Variants in KIF21A observed in about 807,000 individuals in gnomAD.
KIF21A encodes the protein kinesin family member 21A, also known as kinesin-like protein KIF21A.
A neutral mutation model predicts 202.9 loss-of-function variants in KIF21A; 114 were observed. That is an observed-to-expected ratio of 0.56 (90% CI 0.48 to 0.66). KIF21A has a LOEUF of 0.66. Ranked by LOEUF, KIF21A falls within the 30% of genes least tolerant of loss-of-function variation. The pLI is 0.00. For synonymous variants in KIF21A, 667 were observed against 670.8 expected, an observed-to-expected ratio of 0.99 and a Z score of 0.09; for missense variants, 1,677 against 1,994.9, an observed-to-expected ratio of 0.84 and a Z score of 3.04.
chr12:39,313,756 T>C (rs1021524151), intron 31 of KIF21A, among the ~76,000 whole-genome samples: 1 of 151,932 alleles, frequency 6.6e-6, no homozygotes, highest in African/African-American at 2.4e-5. Context: ...ATTTGTTTAA[T>C]AGAAATAAAT....
chr12:39,338,603 C>T lies in KIF21A; in HGVS notation c.2311-1400G>A, dbSNP rs185385693. ...CCTGCAAACTCCCTTCATGGTAAGT[C>T]GCATACCTTACAGGCATACCTTGGA... On this transcript the variant is annotated intron_variant, in intron 16 of 37. Coordinates refer to ENST00000361418, the MANE Select transcript of KIF21A (RefSeq NM_001173464.2). Among the ~76,000 whole-genome samples, 172 of 152,268 alleles carry T rather than the reference C, an allele frequency of 1.1e-3. 1 individual carries two copies. Among genetic ancestry groups the T allele is most frequent in the Non-Finnish European group, 2.1e-3 (143 of 68,022 alleles).
chr12:39,428,394 A>C (rs1292980821), intron 1 of KIF21A, among the ~76,000 whole-genome samples: 3 of 152,206 alleles, frequency 2.0e-5, no homozygotes, highest in African/African-American at 4.8e-5. Flanking sequence ...CTTATCTCTC[A>C]GAAACTTGTT....
intron 11 of KIF21A, 144 bp from the exon 12 acceptor site, chr12:39,346,648 C>T (rs984986076): frequency 4.3e-6 from 2 of 465,458 alleles, no homozygotes; most frequent in Non-Finnish European, 7.2e-6. Flanking sequence ...CATCAAAGGA[C>T]AATACACAGT....
At chr12:39,359,994 C>A (rs754072769) in intron 7 of KIF21A, among the ~76,000 whole-genome samples, 1 of 151,958 alleles carries the variant, frequency 6.6e-6, no homozygotes, top group Non-Finnish European at 1.5e-5. Flanking sequence ...TATTAACTCA[C>A]CACAAATTGG....
intron 11 of KIF21A, among the ~76,000 whole-genome samples, chr12:39,349,866 T>C (rs1948223085): frequency 6.6e-6 from 1 of 152,048 alleles, no homozygotes; most frequent in Non-Finnish European, 1.5e-5. Context: ...TTATATGGTA[T>C]AGTACACAAG....
chr12:39,414,817 T>C (rs1953403542), intron 1 of KIF21A, among the ~76,000 whole-genome samples: 1 of 152,176 alleles, frequency 6.6e-6, no homozygotes, highest in Non-Finnish European at 1.5e-5. Flanking sequence ...CACGAATTAG[T>C]CACTGTTCTG....
At position 39,408,991 on chromosome 12, in the gene KIF21A, T is replaced by G. The variant is rs1399559494; in HGVS notation, c.44+33936A>C. Reference sequence around the variant, plus strand: ...CGTGCCACCACGCCCAGCTAATCTTTTTTATTTTTTATTTTTTTGTTGTTG... The same window carrying G: ...CGTGCCACCACGCCCAGCTAATCTTGTTTATTTTTTATTTTTTTGTTGTTG... On this transcript the variant is annotated intron_variant, in intron 1 of 37. Coordinates refer to ENST00000361418, the MANE Select transcript of KIF21A (RefSeq NM_001173464.2). Among the ~76,000 whole-genome samples, 2 of 151,852 alleles carry G rather than the reference T, an allele frequency of 1.3e-5. 1 individual carries two copies. Among genetic ancestry groups the G allele is most frequent in the Non-Finnish European group, 2.9e-5 (2 of 67,972 alleles).
chr12:39,355,434 T>C (rs778274115), intron 10 of KIF21A, among the ~76,000 whole-genome samples: 18 of 151,754 alleles, frequency 1.2e-4, no homozygotes, highest in Non-Finnish European at 2.6e-4. Flanking sequence ...AATTGGCAAG[T>C]GCCAAAGAAA....
At chr12:39,437,449 G>C (rs998418308) in intron 1 of KIF21A, among the ~76,000 whole-genome samples, 8 of 152,116 alleles carry the variant, frequency 5.3e-5, no homozygotes, top group Non-Finnish European at 5.9e-5. Flanking sequence ...TGGCTTTTCA[G>C]TCTACTCTCT....
rs762274417 is a variant in KIF21A at position 39,369,814 on chromosome 12, A to T, written c.365T>A (p.Phe122Tyr). The change falls in exon 3 of 38, where the codon TTT becomes TAT. Residue 122 changes from phenylalanine to tyrosine, a missense_variant. Physicochemically the swap from Phe to Tyr is conservative, Grantham distance 22. This residue lies in a region of KIF21A where 966 missense variants were observed against 1,180.9 expected (regional missense o/e 0.82). Transcript: ENST00000361418. ...GTGTTTTTTTTCTTCAATACTCTTA[A>T]AAAGGTGTTTAACAGCTCGAGAAAT... The part of the protein sequence containing the change: ...GIISRAVKHL[F>Y]KSIEEKKHIA... 2 of 1,612,928 alleles carry T rather than the reference A, an allele frequency of 1.2e-6. No individual in the cohort carries two copies. The highest frequency in any genetic ancestry group is 3.3e-5 in the Admixed American group (2 of 59,954).
At chr12:39,416,142 G>T (rs1035801939) in intron 1 of KIF21A, among the ~76,000 whole-genome samples, 4 of 151,940 alleles carry the variant, frequency 2.6e-5, no homozygotes, top group Admixed American at 2.6e-4. Context: ...GAAAAAAAAA[G>T]TTTATACCTA....
chr12:39,431,542 G>A (rs1937908638), intron 1 of KIF21A, among the ~76,000 whole-genome samples: 1 of 152,162 alleles, frequency 6.6e-6, no homozygotes, highest in Non-Finnish European at 1.5e-5. Flanking sequence ...AACTACTGCT[G>A]TGATTTACTT....
At chr12:39,300,328 T>C (rs909909289) in intron 37 of KIF21A, among the ~76,000 whole-genome samples, 5 of 152,042 alleles carry the variant, frequency 3.3e-5, no homozygotes, top group African/African-American at 9.7e-5. Flanking sequence ...TTTCAGAAAG[T>C]AATGCATCTT....
chr12:39,436,510 G>A (rs1488083746), intron 1 of KIF21A, among the ~76,000 whole-genome samples: 1 of 141,522 alleles, frequency 7.1e-6, no homozygotes, highest in Non-Finnish European at 1.5e-5. Context: ...GCTATTCACA[G>A]GAGTGATCAC....
chr12:39,311,918 A>T, intron 31 of KIF21A: 1 of 237,630 alleles, frequency 4.2e-6, no homozygotes, highest in South Asian at 6.2e-5. Context: ...TAACAGGAAA[A>T]CATAATTCTA....
At chr12:39,364,153 A>T (rs1949443419) in intron 6 of KIF21A, among the ~76,000 whole-genome samples, 1 of 152,230 alleles carries the variant, frequency 6.6e-6, no homozygotes, top group Non-Finnish European at 1.5e-5. Context: ...CCTACAAGAT[A>T]AACATTATCC....
intron 1 of KIF21A, among the ~76,000 whole-genome samples, chr12:39,400,542 G>T (rs925279429): frequency 6.6e-6 from 1 of 152,000 alleles, no homozygotes; most frequent in African/African-American, 2.4e-5. Flanking sequence ...TAAGGTGTTT[G>T]GTTTTCTGTT....
At chr12:39,308,947 A>C (rs1943740750) in intron 33 of KIF21A, among the ~76,000 whole-genome samples, 1 of 152,178 alleles carries the variant, frequency 6.6e-6, no homozygotes, top group South Asian at 2.1e-4. Context: ...CTCTCATTTA[A>C]ATGACTACCG....
intron 24 of KIF21A, among the ~76,000 whole-genome samples, chr12:39,328,435 T>A (rs1204095609): frequency 2.6e-5 from 4 of 152,238 alleles, no homozygotes; most frequent in Non-Finnish European, 5.9e-5. Flanking sequence ...TCCTCCAGAG[T>A]CCATCTGTGT....
Sources: allele counts gnomAD v4.1 joint callset (sites outside exome capture counted in the v4.1 genomes callset), GRCh38; gene constraint gnomAD v4.1.1; regional missense constraint gnomAD v4.1.1; transcripts MANE v1.5; gene names NCBI Gene and HGNC (gene_info 2026-07-23, HGNC 2026-07-21).